The following COL15A1 variants were observed in gnomAD, a reference collection of about 807,000 sequenced individuals.
COL15A1 encodes collagen alpha-1(XV) chain.
COL15A1 carries 111 observed loss-of-function variants against 165.9 expected under a neutral mutation model. That is an observed-to-expected ratio of 0.67 (90% CI 0.57 to 0.78). The LOEUF (loss-of-function observed/expected upper bound fraction) is 0.78. Among genes scored for constraint, COL15A1 ranks in the 30% least tolerant of loss-of-function variants. COL15A1 has a pLI of 0.00. For missense variants in COL15A1, 1,745 were observed against 1,789.7 expected (o/e 0.98, Z 0.45); for synonymous variants, 659 against 674.8 (o/e 0.98, Z 0.36).
intron 26 of COL15A1, among the ~76,000 whole-genome samples, chr9:99,046,109 G>T (rs1376031886): frequency 6.6e-6 from 1 of 152,202 alleles, no homozygotes; most frequent in Non-Finnish European, 1.5e-5. Context: ...TTAGTGGTGG[G>T]GGTCAGCAGG....
chr9:98,977,401 T>C (rs1432434515), intron 2 of COL15A1, among the ~76,000 whole-genome samples: 1 of 152,188 alleles, frequency 6.6e-6, no homozygotes. Flanking sequence ...CCCTGGCTTC[T>C]CCTCCCCTCC....
chr9:99,059,970 G>C lies in COL15A1; in HGVS notation c.3402+17G>C, dbSNP rs1192161821. On this transcript the variant is annotated intron_variant, in intron 36 of 41. Transcript: ENST00000375001. The stretch of plus-strand genomic sequence containing the variant: ...AGAAACCTGGTCAGTATTATCATCA[G>C]TGTGTAGTCATCATTCCATTTGGGA... The C allele has an allele frequency of 6.2e-7, 1 of 1,612,680 alleles. No individual in the cohort carries two copies. Among genetic ancestry groups the C allele is most frequent in the South Asian group, 1.1e-5 (1 of 90,830 alleles).
chr9:99,056,187 C>G, intron 34 of COL15A1, 73 bp from the exon 35 acceptor site: 3 of 1,394,418 alleles, frequency 2.2e-6, no homozygotes, highest in Non-Finnish European at 3.1e-6. Context: ...TAAATATTCT[C>G]ATAAAAGGAC....
intron 16 of COL15A1, among the ~76,000 whole-genome samples, chr9:99,027,844 T>C (rs1839152407): frequency 2.0e-5 from 3 of 152,210 alleles, no homozygotes; most frequent in African/African-American, 7.2e-5. Context: ...ACTTTGCACA[T>C]GATATTTACC....
At position 99,034,586 on chromosome 9, in the gene COL15A1, T is replaced by TAAAAA. The variant is rs60290557; in HGVS notation, c.2079+26_2079+30dup. ...CCTAATGGCTCAGTTGGTGAAAAGG[T>TAAAAA]AAAAAAAAAAAAAAAAAAAAAAAAA... On this transcript the variant is annotated splice_region_variant and intron_variant, in intron 17 of 41. Coordinates refer to ENST00000375001, the MANE Select transcript of COL15A1 (RefSeq NM_001855.5). 68 of 1,074,728 alleles carry TAAAAA rather than the reference T, an allele frequency of 6.3e-5. No homozygotes were observed. Among genetic ancestry groups the TAAAAA allele is most frequent in the Admixed American group, 3.2e-4 (6 of 18,802 alleles). 66.6% of individuals were successfully genotyped at this position (1,074,728 alleles called of 1,614,324 possible).
intron 19 of COL15A1, among the ~76,000 whole-genome samples, chr9:99,035,852 G>A (rs146317782): frequency 7.9e-5 from 12 of 152,240 alleles, no homozygotes; most frequent in East Asian, 5.8e-4. Flanking sequence ...GCCATGAAGC[G>A]ATGCCGGCTC....
intron 5 of COL15A1, among the ~76,000 whole-genome samples, chr9:98,993,750 T>A (rs1325488855): frequency 6.6e-6 from 1 of 152,040 alleles, no homozygotes; most frequent in Non-Finnish European, 1.5e-5. Context: ...TGGAAGGGCT[T>A]TATGGCATTT....
At chr9:98,987,832 G>A (rs548631025) in intron 4 of COL15A1, among the ~76,000 whole-genome samples, 2 of 152,330 alleles carry the variant, frequency 1.3e-5, no homozygotes, top group South Asian at 4.1e-4. Flanking sequence ...CACCTGCTGG[G>A]TGCCAGCCCT....
chr9:98,949,166 A>G (rs1046295876), intron 2 of COL15A1, among the ~76,000 whole-genome samples: 2 of 152,150 alleles, frequency 1.3e-5, no homozygotes, highest in Non-Finnish European at 1.5e-5. Flanking sequence ...TTCATGTCTG[A>G]TTCTTTCAAT....
chr9:99,030,526 A>G (rs1839200340), intron 16 of COL15A1, among the ~76,000 whole-genome samples: 1 of 152,146 alleles, frequency 6.6e-6, no homozygotes, highest in African/African-American at 2.4e-5. Context: ...TCTGTGAGTC[A>G]ATGGAATGGA....
intron 2 of COL15A1, 79 bp from the exon 3 acceptor site, chr9:98,985,486 T>C (rs1161768061): frequency 5.1e-6 from 7 of 1,370,872 alleles, no homozygotes; most frequent in South Asian, 1.4e-5. Context: ...CCCGTTTCAT[T>C]TGTGACTGCG....
intron 6 of COL15A1, among the ~76,000 whole-genome samples, chr9:98,998,070 T>C (rs889025181): frequency 1.3e-5 from 2 of 152,244 alleles, no homozygotes; most frequent in African/African-American, 2.4e-5. Flanking sequence ...TCCAAAATTA[T>C]GTCTATGACC....
chr9:98,960,231 G>A (rs1165354577), intron 2 of COL15A1, among the ~76,000 whole-genome samples: 1 of 151,826 alleles, frequency 6.6e-6, no homozygotes, highest in Non-Finnish European at 1.5e-5. Context: ...ACCATAGTGA[G>A]ACAACATCTC....
rs142952896 is a variant in COL15A1, at chr9:98,969,204, T to C, written c.101-16361T>C. ...CTTTCATGGCAATTCTAAGCAGTAA[T>C]TTATGGGAGAGAAAAGAAGGCTAAT... is the stretch of plus-strand genomic sequence containing the variant. On this transcript the variant is annotated intron_variant, in intron 2 of 41. Transcript: ENST00000375001. Among the ~76,000 whole-genome samples, 81 of 152,264 alleles carry C rather than the reference T, an allele frequency of 5.3e-4. 1 individual carries two copies. Among genetic ancestry groups the C allele is most frequent in the African/African-American group, 1.9e-3 (78 of 41,542 alleles).
At chr9:98,981,549 A>G (rs914538127) in intron 2 of COL15A1, among the ~76,000 whole-genome samples, 2 of 152,236 alleles carry the variant, frequency 1.3e-5, no homozygotes, top group African/African-American at 4.8e-5. Context: ...AATAAAAGCA[A>G]GTTTCAGAAG....
intron 36 of COL15A1, among the ~76,000 whole-genome samples, chr9:99,061,393 A>G (rs1825813622): frequency 6.6e-6 from 1 of 152,254 alleles, no homozygotes; most frequent in Non-Finnish European, 1.5e-5. Flanking sequence ...GATATGCCAA[A>G]TGGCTGTCTA....
chr9:99,042,541 C>A (rs1839425697), intron 24 of COL15A1, among the ~76,000 whole-genome samples: 1 of 152,216 alleles, frequency 6.6e-6, no homozygotes, highest in African/African-American at 2.4e-5. Context: ...ACATGCACTG[C>A]CTGAGGACAG....
chr9:98,945,987 T>G (rs1588485418), intron 2 of COL15A1, among the ~76,000 whole-genome samples: 4 of 152,318 alleles, frequency 2.6e-5, no homozygotes, highest in Admixed American at 2.6e-4. Context: ...CCAGCAAACC[T>G]TCAGGAGCTG....
intron 8 of COL15A1, among the ~76,000 whole-genome samples, chr9:99,004,047 C>T (rs968603951): frequency 6.6e-6 from 1 of 152,054 alleles, no homozygotes; most frequent in Non-Finnish European, 1.5e-5. Flanking sequence ...GGAGCAAAGG[C>T]CTGAAGCCTG....
Sources: gnomAD v4.1 joint callset for allele counts (sites outside exome capture counted in the v4.1 genomes callset) on GRCh38, gnomAD v4.1.1 for gene constraint, MANE v1.5 for transcripts, NCBI Gene and HGNC (gene_info 2026-07-23, HGNC 2026-07-21) for gene names.